SYT7: variants seen among roughly 807,000 people sequenced by gnomAD.
SYT7 encodes synaptotagmin-7.
SYT7 carries 29 observed loss-of-function variants against 75.1 expected under a neutral mutation model. That is an observed-to-expected ratio of 0.39 (90% CI 0.29 to 0.53). The LOEUF is 0.53. Among genes scored for constraint, SYT7 ranks in the 20% least tolerant of loss-of-function variants. The pLI, the probability that SYT7 is intolerant of heterozygous loss-of-function variation, is 0.77. For synonymous variants in SYT7, 376 were observed against 401.7 expected (o/e 0.94, Z 0.76); for missense variants, 693 against 953.2 (o/e 0.73, Z 3.59).
chr11:61,515,260 C>G lies in SYT7; in HGVS notation c.*3367G>C, dbSNP rs946405243. On this transcript the variant is annotated 3_prime_UTR_variant, in exon 13 of 13. Coordinates refer to ENST00000539008, the MANE Select transcript of SYT7 (RefSeq NM_001365809.2). ...CATCCCCTTCACCCCACTGCCTCTG[C>G]CCCCAGGGAGGTGAGGGAGGGCTGG... The G allele has an allele frequency of 1.3e-5, 2 of 152,272 alleles. No homozygotes were observed. Among genetic ancestry groups the G allele is most frequent in the Non-Finnish European group, 1.5e-5 (1 of 68,102 alleles). 9.4% of individuals were successfully genotyped at this position (152,272 alleles called of 1,614,324 possible). A position where few individuals can be genotyped will look rare whatever the true frequency, so the allele number is the denominator to read the frequency against.
At chr11:61,539,846 A>C (rs1322037488) in intron 6 of SYT7, 1 of 152,106 alleles carries the variant, frequency 6.6e-6, no homozygotes, top group Non-Finnish European at 1.5e-5. Context: ...GGTCCTGGGC[A>C]CAGTTACTCC....
At position 61,523,108 on chromosome 11, in the gene SYT7, C is replaced by T. The variant is rs2062398317; in HGVS notation, c.1923G>A (p.Lys641=). 1.9e-6 allele frequency: 3 copies of T among 1,614,226 alleles called. No homozygotes were observed. In the East Asian group the frequency reaches 6.7e-5, roughly 36 times the overall value. Residue 641 remains lysine (K), a synonymous_variant, in exon 12 of 13, where the codon AAG becomes AAA. Coordinates refer to ENST00000539008, the MANE Select transcript of SYT7 (RefSeq NM_001365809.2). The surrounding 1 kb of genome is among the most constrained non-coding windows in gnomAD (Gnocchi z 5.0). ...ETTIIITVMD[K]DKLSRNDVIG... ...TGACGTCATTGCGGCTGAGCTTGTC[C>T]TTGTCCATGACAGTGATGATGATGG...
chr11:61,551,337 T>C lies in SYT7; in HGVS notation c.215+47A>G, dbSNP rs200825373. 1,152 of 1,583,948 alleles carry C rather than the reference T, an allele frequency of 7.3e-4. 11 individuals carry two copies. The East Asian group carries it at 0.012, about 17-fold the overall frequency. ...GGGGAGAGAAGGGGCTCCTCCCACC[T>C]GGGCTGCTTGTGTGGCCCCATCCCA... On this transcript the variant is annotated intron_variant, in intron 3 of 12. Transcript: ENST00000539008. This position sits in a 1 kb window ranked among gnomAD's most constrained non-coding sequence, Gnocchi z 5.3.
Position 61,518,745 on chromosome 11 carries a change from G to A in SYT7, c.1957-14C>T, listed in dbSNP as rs2062215419. 2 of 1,524,070 alleles carry A rather than the reference G, an allele frequency of 1.3e-6. No homozygotes were observed. The highest frequency in any genetic ancestry group is 5.0e-5 in the East Asian group (2 of 39,990). The allele number at this position is 1,524,070 out of a possible 1,614,324, so 94.4% of individuals were successfully genotyped here. A position where few individuals can be genotyped will look rare whatever the true frequency, so the allele number is the denominator to read the frequency against. ...GGACAGGTAGATCTGGGGAGAAAGGGGAGACGATGGCATCGGCACAGGCTC... is the reference window on the plus strand; with the variant it reads ...GGACAGGTAGATCTGGGGAGAAAGGAGAGACGATGGCATCGGCACAGGCTC... On this transcript the variant is annotated splice_polypyrimidine_tract_variant and intron_variant, in intron 12 of 12. Coordinates refer to ENST00000539008, the MANE Select transcript of SYT7 (RefSeq NM_001365809.2).
intron 3 of SYT7, among the ~76,000 whole-genome samples, chr11:61,549,849 CT>C (rs955211339): frequency 2.0e-4 from 31 of 152,234 alleles, no homozygotes; most frequent in African/African-American, 6.8e-4. Context: ...GCTGCCCGCC[CT>C]CCCCCTGGTT....
chr11:61,569,862 T>C lies in SYT7; in HGVS notation c.31+10928A>G, dbSNP rs76095555. ...GTCATTGTCCTTGAGCTTCCCCCAATGTCAGTGCCCAGCCAGCTGGGCCTG... is the reference window on the plus strand; with the variant it reads ...GTCATTGTCCTTGAGCTTCCCCCAACGTCAGTGCCCAGCCAGCTGGGCCTG... On this transcript the variant is annotated intron_variant, in intron 1 of 12. Transcript: ENST00000539008. Among the ~76,000 whole-genome samples, 380 of 152,286 alleles carry C rather than the reference T, an allele frequency of 2.5e-3. 2 individuals are homozygous for C. Among genetic ancestry groups the C allele is most frequent in the African/African-American group, 8.9e-3 (368 of 41,576 alleles).
Position 61,542,666 on chromosome 11 carries a change from G to A in SYT7, c.573-87C>T. The A allele has an allele frequency of 1.4e-6, 2 of 1,421,168 alleles. No individual in the cohort carries two copies. Among genetic ancestry groups the A allele is most frequent in the South Asian group, 3.0e-5 (2 of 66,560 alleles). 88.0% of individuals were successfully genotyped at this position (1,421,168 alleles called of 1,614,324 possible). A position where few individuals can be genotyped will look rare whatever the true frequency, so the allele number is the denominator to read the frequency against. ...GAAAGAAGCCGAGGGCCAGGACTAG[G>A]AGGCCCCAGTGCAGGGTGCGCGCTG... On this transcript the variant is annotated intron_variant, in intron 5 of 12. Coordinates refer to ENST00000539008, the MANE Select transcript of SYT7 (RefSeq NM_001365809.2). This position sits in a 1 kb window ranked among gnomAD's most constrained non-coding sequence, Gnocchi z 7.8.
At chr11:61,537,050 G>C (rs918842991) in intron 7 of SYT7, among the ~76,000 whole-genome samples, 2 of 152,252 alleles carry the variant, frequency 1.3e-5, no homozygotes, top group Non-Finnish European at 2.9e-5. Flanking sequence ...CCAGAGAGGG[G>C]CTGTGACTTG....
At position 61,524,562 on chromosome 11, in the gene SYT7, G is replaced by T; in HGVS notation, c.1472-30C>A. On this transcript the variant is annotated intron_variant, in intron 9 of 12. Coordinates refer to ENST00000539008, the MANE Select transcript of SYT7 (RefSeq NM_001365809.2). The surrounding 1 kb of genome is among the most constrained non-coding windows in gnomAD (Gnocchi z 4.1). ...GGGTATAGATGAGTGTGAGTGAAGAGGGGGACAGAGGGGCTGCACGGGGCC... is the reference window on the plus strand; with the variant it reads ...GGGTATAGATGAGTGTGAGTGAAGATGGGGACAGAGGGGCTGCACGGGGCC... 1 of 1,540,912 alleles carries T rather than the reference G, an allele frequency of 6.5e-7. No homozygotes were observed. Among genetic ancestry groups the T allele is most frequent in the Non-Finnish European group, 8.8e-7 (1 of 1,140,888 alleles).
At position 61,514,925 on chromosome 11, in the gene SYT7, G is replaced by A. The variant is rs1387148926; in HGVS notation, c.*3702C>T. ...CCCCATGGATGGTGGTGGGAAAGCT[G>A]GAGCGTCCCCCTTTGGTTTGTCTGA... On this transcript the variant is annotated 3_prime_UTR_variant, in exon 13 of 13. Coordinates refer to ENST00000539008, the MANE Select transcript of SYT7 (RefSeq NM_001365809.2). Among the ~76,000 whole-genome samples the A allele has an allele frequency of 6.6e-6, 1 of 152,196 alleles. No individual in the cohort carries two copies. The highest frequency in any genetic ancestry group is 2.4e-5 in the African/African-American group (1 of 41,448).
chr11:61,552,938 G>A (rs868556396), intron 2 of SYT7, among the ~76,000 whole-genome samples: 1 of 152,050 alleles, frequency 6.6e-6, no homozygotes, highest in Non-Finnish European at 1.5e-5. Context: ...CCTATCTCCC[G>A]GCACGTGCTC....
At position 61,517,527 on chromosome 11, in the gene SYT7, G is replaced by A. The variant is rs1367969310; in HGVS notation, c.*1100C>T. ...GGTCTACAAGCATTGGGGGATGGAG[G>A]GGTGGAGGAAAGAAGGGTGGAGGTC... On this transcript the variant is annotated 3_prime_UTR_variant, in exon 13 of 13. Coordinates refer to ENST00000539008, the MANE Select transcript of SYT7 (RefSeq NM_001365809.2). 5.0e-6 allele frequency: 2 copies of A among 399,508 alleles called. No individual in the cohort carries two copies. The highest frequency in any genetic ancestry group is 8.8e-6 in the Non-Finnish European group (2 of 226,594). The allele number at this position is 399,508 out of a possible 1,614,324, so 24.7% of individuals were successfully genotyped here. A position where few individuals can be genotyped will look rare whatever the true frequency, so the allele number is the denominator to read the frequency against.
the SYT7 span, among the ~76,000 whole-genome samples, chr11:61,587,657 G>A: frequency 6.6e-6 from 1 of 152,226 alleles, no homozygotes; most frequent in African/African-American, 2.4e-5. Flanking sequence ...CGGGGGACGA[G>A]GCGTCTCCGC....
chr11:61,580,882 C>A lies in SYT7; in HGVS notation c.-62G>T. On this transcript the variant is annotated 5_prime_UTR_variant, in exon 1 of 13. It introduces an in-frame stop codon into an upstream open reading frame of the 5' UTR. Coordinates refer to ENST00000539008, the MANE Select transcript of SYT7 (RefSeq NM_001365809.2). This position sits in a 1 kb window ranked among gnomAD's most constrained non-coding sequence, Gnocchi z 6.1. ...AGCCGCCCGCGGCCGCGCGCTGCTC[C>A]GCCGCCGCCGCTGGGCATGGGGCCG... 8.8e-7 allele frequency: 1 copy of A among 1,136,892 alleles called. No individual in the cohort carries two copies. The highest frequency in any genetic ancestry group is 1.1e-6 in the Non-Finnish European group (1 of 927,784). 70.4% of individuals were successfully genotyped at this position (1,136,892 alleles called of 1,614,324 possible). A position where few individuals can be genotyped will look rare whatever the true frequency, so the allele number is the denominator to read the frequency against.
chr11:61,567,578 C>T (rs1361359886), intron 1 of SYT7, among the ~76,000 whole-genome samples: 1 of 152,224 alleles, frequency 6.6e-6, no homozygotes, highest in Non-Finnish European at 1.5e-5. Context: ...TCAAGAGCCC[C>T]CTTTCCTCGA....
intron 1 of SYT7, among the ~76,000 whole-genome samples, chr11:61,571,422 C>T (rs1367916783): frequency 6.6e-6 from 1 of 152,244 alleles, no homozygotes; most frequent in Non-Finnish European, 1.5e-5. Context: ...TGCACACACA[C>T]ACATATACAC....
At chr11:61,587,908 G>T in the SYT7 span, among the ~76,000 whole-genome samples, 1 of 151,390 alleles carries the variant, frequency 6.6e-6, no homozygotes, top group Non-Finnish European at 1.5e-5. Flanking sequence ...AGGGAGGAGG[G>T]GGACGGTACA....
In SYT7 at chr11:61,542,283, C is replaced by G. The variant is rs749705199; in HGVS notation, c.869G>C (p.Arg290Pro). The change falls in exon 6 of 13, where the codon CGC (arginine) becomes CCC (proline). Residue 290 changes from arginine (R) to proline (P), a missense_variant. By Grantham distance (103) the Arg-to-Pro change is moderately radical. This residue lies in a region of SYT7 where 487 missense variants were observed against 593.2 expected (regional missense o/e 0.82). Coordinates refer to ENST00000539008, the MANE Select transcript of SYT7 (RefSeq NM_001365809.2). This position sits in a 1 kb window ranked among gnomAD's most constrained non-coding sequence, Gnocchi z 7.8. ...SKYRAAGGRS[R>P]SNPGSWDHVV... ...GTGGTCCCAGCTGCCTGGGTTGGAG[C>G]GGCTGCGGCCCCCTGCCGCCCGGTA... 3 of 1,534,896 alleles carry G rather than the reference C, an allele frequency of 2.0e-6. No individual in the cohort carries two copies. The highest frequency in any genetic ancestry group is 1.4e-5 in the African/African-American group (1 of 72,992).
rs569765263 is a variant in SYT7 at position 61,517,685 on chromosome 11, G to C, written c.*942C>G. The C allele has an allele frequency of 2.5e-6, 1 of 398,186 alleles. No homozygotes were observed. Among genetic ancestry groups the C allele is most frequent in the Non-Finnish European group, 4.4e-6 (1 of 226,188 alleles). 24.7% of individuals were successfully genotyped at this position (398,186 alleles called of 1,614,324 possible). ...TGAAGGAGTTAGGGCAAAGCTAGTC[G>C]GGGCTCGGGACCCCCTGAGAAGGAA... On this transcript the variant is annotated 3_prime_UTR_variant, in exon 13 of 13. Transcript: ENST00000539008.
Sources: gnomAD v4.1 joint callset for allele counts (sites outside exome capture counted in the v4.1 genomes callset) on GRCh38, gnomAD v4.1.1 for gene constraint, gnomAD v4.1.1 regional missense constraint, Gnocchi (gnomAD v3.1) non-coding constraint, MANE v1.5 for transcripts, NCBI Gene and HGNC (gene_info 2026-07-23, HGNC 2026-07-21) for gene names.